The following QKI variants were observed in gnomAD, a reference collection of about 807,000 sequenced individuals.
The protein encoded by QKI is KH domain-containing RNA-binding protein QKI.
QKI carries 10 observed loss-of-function variants against 39.0 expected under a neutral mutation model. The ratio of observed to expected loss-of-function variants is 0.26; its 90% CI spans 0.16 to 0.43. The LOEUF is 0.43. Among genes scored for constraint, QKI ranks in the 20% least tolerant of loss-of-function variants. The pLI is 1.00. For missense variants in QKI, 218 were observed against 428.0 expected, an observed-to-expected ratio of 0.51 and a Z score of 4.33; for synonymous variants, 204 against 155.4, an observed-to-expected ratio of 1.31 and a Z score of -2.33.
chr6:163,499,790 G>A (rs186571846), intron 3 of QKI, among the ~76,000 whole-genome samples: 2 of 151,992 alleles, frequency 1.3e-5, no homozygotes, highest in East Asian at 3.9e-4. Context: ...TTCCTACTCT[G>A]GACTAGACAC....
At chr6:163,545,418 G>A (rs1219182245) in intron 4 of QKI, among the ~76,000 whole-genome samples, 3 of 152,052 alleles carry the variant, frequency 2.0e-5, no homozygotes, top group Admixed American at 6.6e-5. Flanking sequence ...GTTTGCCAAG[G>A]TATAGGTTTT....
chr6:163,451,437 GT>G (rs1392698460), intron 1 of QKI, among the ~76,000 whole-genome samples: 2 of 152,178 alleles, frequency 1.3e-5, no homozygotes, highest in African/African-American at 2.4e-5. Flanking sequence ...CATGTCATTG[GT>G]TTAGGGAAGA....
chr6:163,529,138 C>T (rs953825871), intron 3 of QKI, among the ~76,000 whole-genome samples: 1 of 151,956 alleles, frequency 6.6e-6, no homozygotes, highest in African/African-American at 2.4e-5. Context: ...AGTAAGAGAA[C>T]AAGAAATGGA....
At chr6:163,507,060 T>C (rs1387987245) in intron 3 of QKI, among the ~76,000 whole-genome samples, 1 of 152,148 alleles carries the variant, frequency 6.6e-6, no homozygotes, top group Admixed American at 6.5e-5. Context: ...ACATGAGTAA[T>C]GGGCATTGAA....
chr6:163,572,803 C>T lies in QKI; in HGVS notation c.*2093C>T, dbSNP rs997088241. 1.3e-5 allele frequency: 2 copies of T among 151,936 alleles called. No individual in the cohort carries two copies. Among genetic ancestry groups the T allele is most frequent in the South Asian group, 2.1e-4 (1 of 4,828 alleles). 9.4% of individuals were successfully genotyped at this position (151,936 alleles called of 1,614,324 possible). On this transcript the variant is annotated 3_prime_UTR_variant, in exon 8 of 8. Coordinates refer to ENST00000361752, the MANE Select transcript of QKI (RefSeq NM_006775.3). ...CCACCATCTTGTCTCACTTGGAAAC[C>T]GTTGTCAGTTTATTTACTATGCAAT...
chr6:163,569,236 G>A, intron 7 of QKI: 3 of 968,794 alleles, frequency 3.1e-6, no homozygotes, highest in Non-Finnish European at 3.7e-6. Context: ...TGGTCACATT[G>A]AAGATACAGT....
At chr6:163,417,509 T>G (rs980356214) in intron 1 of QKI, among the ~76,000 whole-genome samples, 1 of 152,234 alleles carries the variant, frequency 6.6e-6, no homozygotes, top group Non-Finnish European at 1.5e-5. Context: ...AATCTCTAAA[T>G]TTAGAGCTGA....
chr6:163,563,869 C>T, intron 6 of QKI, 150 bp downstream of exon 6: 1 of 1,435,774 alleles, frequency 7.0e-7, no homozygotes, highest in Non-Finnish European at 9.1e-7. Flanking sequence ...ATTTCAGCCT[C>T]TCATAAGGGT....
intron 3 of QKI, among the ~76,000 whole-genome samples, chr6:163,492,942 A>G (rs1313490501): frequency 1.3e-5 from 2 of 152,162 alleles, no homozygotes; most frequent in African/African-American, 2.4e-5. Context: ...ATAAAAATGA[A>G]TTTTTTCTTA....
chr6:163,518,422 T>C (rs1779961225), intron 3 of QKI, among the ~76,000 whole-genome samples: 1 of 152,154 alleles, frequency 6.6e-6, no homozygotes, highest in South Asian at 2.1e-4. Flanking sequence ...AAATCATGTT[T>C]TACATAGATA....
At chr6:163,419,943 T>C (rs1342691416) in intron 1 of QKI, among the ~76,000 whole-genome samples, 1 of 152,210 alleles carries the variant, frequency 6.6e-6, no homozygotes, top group Non-Finnish European at 1.5e-5. Context: ...CACTAGTCAC[T>C]GTCGCTGTCC....
At chr6:163,472,854 GGTATATGTAAAGCTTTAGAT>G (rs1368745790) in intron 2 of QKI, among the ~76,000 whole-genome samples, 2 of 152,060 alleles carry the variant, frequency 1.3e-5, no homozygotes, top group Non-Finnish European at 2.9e-5. Context: ...CCAGCTTAGA[GGTATATGTAAAGCTTTAGAT>G]GTATATGTTA....
chr6:163,560,229 G>A (rs1782910423), intron 4 of QKI, among the ~76,000 whole-genome samples: 2 of 152,134 alleles, frequency 1.3e-5, no homozygotes, highest in Admixed American at 6.5e-5. Context: ...TCAACAGACT[G>A]TAATTTGAAG....
At chr6:163,524,428 G>A (rs1583160392) in intron 3 of QKI, among the ~76,000 whole-genome samples, 2 of 150,138 alleles carry the variant, frequency 1.3e-5, no homozygotes, top group East Asian at 3.9e-4. Flanking sequence ...TTTATTTGTT[G>A]TTCAGTCATC....
intron 7 of QKI, chr6:163,567,668 CATTGA>C (rs1310248744): frequency 4.4e-5 from 43 of 984,914 alleles, no homozygotes; most frequent in Non-Finnish European, 4.8e-5. Context: ...GGTTTATTGA[CATTGA>C]ATTGTTTTCT....
At chr6:163,472,030 C>A (rs1792233242) in intron 2 of QKI, among the ~76,000 whole-genome samples, 1 of 152,054 alleles carries the variant, frequency 6.6e-6, no homozygotes, top group East Asian at 1.9e-4. Flanking sequence ...ATACACTTGA[C>A]CCTTAAACAA....
intron 4 of QKI, among the ~76,000 whole-genome samples, chr6:163,544,021 A>G (rs1456723760): frequency 6.6e-6 from 1 of 152,128 alleles, no homozygotes; most frequent in East Asian, 1.9e-4. Flanking sequence ...CTCACAAAGT[A>G]AGAACATTTA....
chr6:163,531,077 A>G (rs1780820420), intron 3 of QKI, among the ~76,000 whole-genome samples: 2 of 151,668 alleles, frequency 1.3e-5, no homozygotes, highest in East Asian at 1.9e-4. Flanking sequence ...TTGTCTTCCA[A>G]CCTTCTATCA....
At chr6:163,485,632 C>T (rs888767752) in intron 3 of QKI, among the ~76,000 whole-genome samples, 2 of 152,188 alleles carry the variant, frequency 1.3e-5, no homozygotes, top group African/African-American at 4.8e-5. Context: ...CTCCTTCTCA[C>T]CTCCTTTTTC....
Sources: gnomAD v4.1 joint callset for allele counts (sites outside exome capture counted in the v4.1 genomes callset) on GRCh38, gnomAD v4.1.1 for gene constraint, MANE v1.5 for transcripts, NCBI Gene and HGNC (gene_info 2026-07-23, HGNC 2026-07-21) for gene names.